The following PHF14 variants were observed in gnomAD, a reference collection of about 807,000 sequenced individuals.
PHF14 encodes the protein PHD finger protein 14.
A neutral mutation model predicts 117.9 loss-of-function variants in PHF14; 55 were observed. That is an observed-to-expected ratio of 0.47 (90% confidence interval 0.38 to 0.58). PHF14 has a LOEUF of 0.58. Ranked by LOEUF, PHF14 falls within the 20% of genes least tolerant of loss-of-function variation. The pLI is 0.00. For missense variants in PHF14, 978 were observed against 1,122.2 expected (o/e 0.87, Z 1.84); for synonymous variants, 409 against 368.6 (o/e 1.11, Z -1.26).
At chr7:11,023,846 A>G (rs1400925052) in intron 6 of PHF14, among the ~76,000 whole-genome samples, 1 of 152,180 alleles carries the variant, frequency 6.6e-6, no homozygotes, top group African/African-American at 2.4e-5. Flanking sequence ...AGAAAAAGAA[A>G]TTTGGCCAAT....
chr7:11,153,820 A>G (rs887583797), intron 17 of PHF14, among the ~76,000 whole-genome samples: 3 of 152,176 alleles, frequency 2.0e-5, no homozygotes, highest in Non-Finnish European at 4.4e-5. Context: ...TCACATTGTC[A>G]GTGTGTTGAC....
At position 11,051,761 on chromosome 7, in the gene PHF14, A is replaced by G; in HGVS notation, c.2462A>G (p.Lys821Arg). The change falls in exon 14 of 18, where the codon AAG (lysine) becomes AGG (arginine). Residue 821 changes from lysine to arginine, a missense_variant. By Grantham distance (26) the Lys-to-Arg change is conservative. Transcript: ENST00000634607. ...VPQDVPPEPK[K>R]IPIRNTRTRG... ...CAGGATGTGCCACCAGAACCCAAGA[A>G]GATTCCGATAAGAAACACGGTAGTT... 6.2e-7 allele frequency: 1 copy of G among 1,613,458 alleles called. No individual in the cohort carries two copies. Among genetic ancestry groups the G allele is most frequent in the Non-Finnish European group, 8.5e-7 (1 of 1,179,602 alleles).
At chr7:11,125,550 G>A (rs1787904735) in intron 17 of PHF14, among the ~76,000 whole-genome samples, 1 of 152,034 alleles carries the variant, frequency 6.6e-6, no homozygotes, top group Non-Finnish European at 1.5e-5. Context: ...TAAACAAGGA[G>A]TACAAAATTA....
intron 17 of PHF14, among the ~76,000 whole-genome samples, chr7:11,118,974 C>A (rs1212751066): frequency 1.3e-5 from 2 of 151,808 alleles, no homozygotes; most frequent in Admixed American, 6.6e-5. Context: ...AATAGACCAT[C>A]TTTCACTATA....
chr7:11,066,724 G>A (rs1056423373), intron 16 of PHF14, among the ~76,000 whole-genome samples: 2 of 152,068 alleles, frequency 1.3e-5, no homozygotes, highest in African/African-American at 4.8e-5. Context: ...AATGCCAGTT[G>A]GCTTTTTCAA....
chr7:11,144,904 T>C (rs986191650), intron 17 of PHF14, among the ~76,000 whole-genome samples: 6 of 151,812 alleles, frequency 4.0e-5, no homozygotes, highest in Non-Finnish European at 5.9e-5. Flanking sequence ...TAAAAAATCA[T>C]AGAGACAGGG....
At chr7:11,049,791 T>C (rs1784791839) in intron 13 of PHF14, among the ~76,000 whole-genome samples, 1 of 152,220 alleles carries the variant, frequency 6.6e-6, no homozygotes, top group African/African-American at 2.4e-5. Flanking sequence ...TCCTTGATGT[T>C]TTCATATGGG....
Position 11,040,704 on chromosome 7 carries a change from C to T in PHF14, c.2109C>T (p.Pro703=). 6.4e-7 allele frequency: 1 copy of T among 1,567,276 alleles called. No homozygotes were observed. Among genetic ancestry groups the T allele is most frequent in the African/African-American group, 1.4e-5 (1 of 73,536 alleles). Residue 703 remains proline, a synonymous_variant, in exon 12 of 18, where the codon CCC becomes CCT. Transcript: ENST00000634607. ...KLNIPAILRA[P]KERKPSKKEG... is the part of the protein sequence containing the mutation. Reference sequence around the variant, plus strand: ...ATATACCGGCAATTTTGCGAGCACCCAAGGAGAGAAAACCAAGTAAAAAAG... The same window carrying T: ...ATATACCGGCAATTTTGCGAGCACCTAAGGAGAGAAAACCAAGTAAAAAAG...
intron 16 of PHF14, among the ~76,000 whole-genome samples, chr7:11,082,085 T>A (rs920165219): frequency 3.3e-5 from 5 of 152,134 alleles, no homozygotes; most frequent in African/African-American, 7.2e-5. Flanking sequence ...GGCTCACGCT[T>A]GTAATCCCAG....
chr7:11,083,362 G>C (rs1045093082), intron 16 of PHF14, among the ~76,000 whole-genome samples: 3 of 151,616 alleles, frequency 2.0e-5, no homozygotes, highest in Non-Finnish European at 2.9e-5. Context: ...TTACCTTCTA[G>C]GTGTGTGCAC....
rs1474022805 is a variant in PHF14 at position 11,096,420 on chromosome 7, C to G, written c.2655-14930C>G. Among the ~76,000 whole-genome samples, 3 of 152,142 alleles carry G rather than the reference C, an allele frequency of 2.0e-5. No individual in the cohort carries two copies. The East Asian group carries it at 5.8e-4, about 29-fold the overall frequency. ...CTCCACAATTATTCCTCATCAGTAA[C>G]TAGCATCAAATATATTTTTACTTTA... is the stretch of plus-strand genomic sequence containing the variant. On this transcript the variant is annotated intron_variant, in intron 16 of 17. Coordinates refer to ENST00000634607, the MANE Select transcript of PHF14 (RefSeq NM_001007157.2).
intron 14 of PHF14, among the ~76,000 whole-genome samples, chr7:11,055,551 C>T (rs1018557251): frequency 6.6e-6 from 1 of 152,080 alleles, no homozygotes; most frequent in Non-Finnish European, 1.5e-5. Flanking sequence ...TTTTTAGCAG[C>T]TTTGACTGAA....
chr7:10,998,692 TAC>T (rs1192533665), intron 4 of PHF14, among the ~76,000 whole-genome samples: 1 of 152,160 alleles, frequency 6.6e-6, no homozygotes, highest in African/African-American at 2.4e-5. Flanking sequence ...CAGTGTTTGT[TAC>T]ATTGATCACT....
intron 4 of PHF14, among the ~76,000 whole-genome samples, chr7:10,992,353 T>C (rs1356140210): frequency 1.3e-5 from 2 of 149,478 alleles, no homozygotes; most frequent in Non-Finnish European, 3.0e-5. Flanking sequence ...CGTGCCTGGC[T>C]GACAGTATGT....
intron 13 of PHF14, among the ~76,000 whole-genome samples, chr7:11,043,970 A>C (rs10236024): frequency 2.0e-5 from 3 of 151,754 alleles, no homozygotes; most frequent in East Asian, 1.9e-4. Flanking sequence ...GGTTTCCAGC[A>C]TGTGAGAGTT....
At chr7:11,134,858 C>T (rs1392044850) in intron 17 of PHF14, among the ~76,000 whole-genome samples, 4 of 152,030 alleles carry the variant, frequency 2.6e-5, no homozygotes, top group African/African-American at 9.7e-5. Context: ...ATGAATAATT[C>T]AGTAGAGCAA....
At chr7:11,039,460 A>G (rs889696787) in intron 11 of PHF14, among the ~76,000 whole-genome samples, 1 of 152,130 alleles carries the variant, frequency 6.6e-6, no homozygotes, top group Admixed American at 6.5e-5. Flanking sequence ...TTGAATAATT[A>G]TTGTTAGATG....
At chr7:10,992,995 T>C (rs1583339173) in intron 4 of PHF14, among the ~76,000 whole-genome samples, 2 of 152,300 alleles carry the variant, frequency 1.3e-5, no homozygotes, top group South Asian at 4.1e-4. Context: ...TATATGCTTT[T>C]GGCCGGAATA....
At chr7:11,075,572 T>TTTG (rs1554268437) in intron 16 of PHF14, among the ~76,000 whole-genome samples, 1 of 145,562 alleles carries the variant, frequency 6.9e-6, no homozygotes, top group African/African-American at 2.5e-5. Context: ...AGGTTTTTTT[T>TTTG]TTTTTTTTTT....
Sources: allele counts gnomAD v4.1 joint callset (sites outside exome capture counted in the v4.1 genomes callset), GRCh38; gene constraint gnomAD v4.1.1; transcripts MANE v1.5; gene names NCBI Gene and HGNC (gene_info 2026-07-23, HGNC 2026-07-21).